ZNF407: variants seen among roughly 807,000 people sequenced by gnomAD.
ZNF407 encodes zinc finger protein 407.
A neutral mutation model predicts 131.2 loss-of-function variants in ZNF407; 17 were observed. The observed-to-expected ratio is 0.13, with a 90% CI of 0.09 to 0.19. ZNF407 has a LOEUF of 0.19. Ranked by LOEUF, ZNF407 falls within the 10% of genes least tolerant of loss-of-function variation. The pLI is 1.00. For synonymous variants in ZNF407, 1,156 were observed against 1,062.0 expected (o/e 1.09, Z -1.72); for missense variants, 2,681 against 2,830.6 (o/e 0.95, Z 1.20).
intron 1 of ZNF407, among the ~76,000 whole-genome samples, chr18:74,610,254 A>G (rs886262950): frequency 3.9e-5 from 6 of 152,238 alleles, no homozygotes; most frequent in African/African-American, 1.4e-4. Flanking sequence ...GGAGCTGTGT[A>G]ATCTAACAGT....
chr18:74,627,784 C>G (rs1218560000), intron 1 of ZNF407, among the ~76,000 whole-genome samples: 1 of 137,038 alleles, frequency 7.3e-6, no homozygotes, highest in African/African-American at 2.8e-5. Flanking sequence ...CTCTTTCTCT[C>G]TCTCTCTCTC....
chr18:75,005,392 A>G (rs376564575), intron 8 of ZNF407, among the ~76,000 whole-genome samples: 1 of 152,118 alleles, frequency 6.6e-6, no homozygotes, highest in East Asian at 1.9e-4. Context: ...AAAGCCTGTG[A>G]AGAATCTGAT....
chr18:74,979,812 C>G (rs565623489), intron 8 of ZNF407, among the ~76,000 whole-genome samples: 1 of 152,266 alleles, frequency 6.6e-6, no homozygotes, highest in African/African-American at 2.4e-5. Context: ...AAAAACACCA[C>G]TTTACGTATC....
intron 8 of ZNF407, among the ~76,000 whole-genome samples, chr18:75,025,131 T>A (rs1973156579): frequency 6.6e-6 from 1 of 152,192 alleles, no homozygotes; most frequent in Non-Finnish European, 1.5e-5. Context: ...AAGCTAAAAC[T>A]CAAGATCAAT....
At position 75,044,332 on chromosome 18, in the gene ZNF407, C is replaced by CT. The variant is rs200241175; in HGVS notation, c.5429-18809dup. On this transcript the variant is annotated intron_variant, in intron 8 of 8. Transcript: ENST00000299687. ...GCGTTTTGTTGGGTTTTTTTTCTTT[C>CT]TTTTTTTTTAAAAAAAAAAACAGGT... is the stretch of plus-strand genomic sequence containing the variant. Among the ~76,000 whole-genome samples, 161 of 144,652 alleles carry CT rather than the reference C, an allele frequency of 1.1e-3. 1 individual carries two copies. Among genetic ancestry groups the CT allele is most frequent in the African/African-American group, 3.7e-3 (144 of 39,200 alleles). 94.9% of individuals were successfully genotyped at this position (144,652 alleles called of 152,430 possible).
intron 8 of ZNF407, among the ~76,000 whole-genome samples, chr18:74,989,858 AT>A (rs1972698092): frequency 6.6e-6 from 1 of 150,590 alleles, no homozygotes; most frequent in African/African-American, 2.5e-5. Context: ...AAAAAAAAAA[AT>A]TCTATTTCCT....
At chr18:74,720,600 C>T (rs1393467295) in intron 3 of ZNF407, among the ~76,000 whole-genome samples, 1 of 152,044 alleles carries the variant, frequency 6.6e-6, no homozygotes, top group African/African-American at 2.4e-5. Flanking sequence ...AGCAGTTCTC[C>T]TATGTTTTCT....
intron 3 of ZNF407, among the ~76,000 whole-genome samples, chr18:74,719,671 G>T (rs1967981441): frequency 6.6e-6 from 1 of 152,200 alleles, no homozygotes; most frequent in African/African-American, 2.4e-5. Flanking sequence ...CCAAAGTGCT[G>T]GGATTACGGG....
intron 3 of ZNF407, among the ~76,000 whole-genome samples, chr18:74,775,954 C>G (rs1360124108): frequency 6.6e-6 from 1 of 152,208 alleles, no homozygotes; most frequent in Non-Finnish European, 1.5e-5. Flanking sequence ...CTAAACTGCT[C>G]GTTAGAAATC....
chr18:74,762,652 G>A (rs1031304565), intron 3 of ZNF407, among the ~76,000 whole-genome samples: 1 of 151,296 alleles, frequency 6.6e-6, no homozygotes, highest in Non-Finnish European at 1.5e-5. Context: ...TGCATTTTTA[G>A]AGTTCTTTGT....
At chr18:74,894,836 TTG>T (rs1971431757) in intron 7 of ZNF407, among the ~76,000 whole-genome samples, 3 of 152,188 alleles carry the variant, frequency 2.0e-5, no homozygotes, top group African/African-American at 7.2e-5. Context: ...CATCTGCATA[TTG>T]TGTCTCTATT....
chr18:75,022,662 C>T (rs186551560), intron 8 of ZNF407, among the ~76,000 whole-genome samples: 38 of 152,020 alleles, frequency 2.5e-4, no homozygotes, highest in African/African-American at 7.5e-4. Context: ...CAGTTAATGG[C>T]GATTATTAGA....
chr18:74,600,912 C>T (rs1335242725), intron 1 of ZNF407, among the ~76,000 whole-genome samples: 2 of 152,118 alleles, frequency 1.3e-5, no homozygotes, highest in South Asian at 2.1e-4. Flanking sequence ...ATTGCAACTA[C>T]GGAGACCAGT....
intron 4 of ZNF407, among the ~76,000 whole-genome samples, chr18:74,867,059 C>T (rs978810523): frequency 4.8e-5 from 7 of 144,982 alleles, no homozygotes; most frequent in African/African-American, 1.8e-4. Context: ...AATCACATTA[C>T]AGATTAACAA....
chr18:74,649,655 G>A (rs1054496011), intron 3 of ZNF407, among the ~76,000 whole-genome samples: 2 of 152,196 alleles, frequency 1.3e-5, no homozygotes, highest in African/African-American at 4.8e-5. Flanking sequence ...AAGAGCTTAA[G>A]TGACTTTTCA....
intron 8 of ZNF407, among the ~76,000 whole-genome samples, chr18:74,950,645 AC>A (rs2145278913): frequency 6.6e-6 from 1 of 152,382 alleles, no homozygotes; most frequent in Non-Finnish European, 1.5e-5. Context: ...CAAAATCATT[AC>A]GATAACATTG....
intron 4 of ZNF407, among the ~76,000 whole-genome samples, chr18:74,868,713 C>G (rs530286914): frequency 3.3e-5 from 5 of 152,198 alleles, no homozygotes; most frequent in Admixed American, 6.5e-5. Context: ...TGGCTCTGTC[C>G]TTGAGACTTG....
chr18:74,883,840 T>C (rs1971271992), intron 6 of ZNF407, among the ~76,000 whole-genome samples: 1 of 152,228 alleles, frequency 6.6e-6, no homozygotes, highest in Non-Finnish European at 1.5e-5. Flanking sequence ...CCAAGATTAC[T>C]GCTTGTAACG....
intron 5 of ZNF407, among the ~76,000 whole-genome samples, chr18:74,880,605 T>C (rs921629808): frequency 6.6e-6 from 1 of 152,218 alleles, no homozygotes; most frequent in Non-Finnish European, 1.5e-5. Context: ...TATCCTTAAG[T>C]TGCTGGAAAA....
Sources: allele counts gnomAD v4.1 joint callset (sites outside exome capture counted in the v4.1 genomes callset), GRCh38; gene constraint gnomAD v4.1.1; transcripts MANE v1.5; gene names NCBI Gene and HGNC (gene_info 2026-07-23, HGNC 2026-07-21).